Variants in REV3L observed in about 807,000 individuals in gnomAD.
The protein encoded by REV3L is REV3 like, DNA directed polymerase zeta catalytic subunit, also known as DNA polymerase zeta catalytic subunit.
In REV3L, 69 loss-of-function variants were observed where a neutral mutation model predicts 299.4. That is an observed-to-expected ratio of 0.23 (90% CI 0.19 to 0.28). REV3L has a LOEUF of 0.28. Ranked by LOEUF, REV3L falls within the 10% of genes least tolerant of loss-of-function variation. REV3L has a pLI of 1.00. For missense variants in REV3L, 3,128 were observed against 3,693.8 expected, an observed-to-expected ratio of 0.85 and a Z score of 3.97; for synonymous variants, 1,238 against 1,271.4, an observed-to-expected ratio of 0.97 and a Z score of 0.56.
intron 22 of REV3L, among the ~76,000 whole-genome samples, chr6:111,334,231 C>A (rs1012677646): frequency 3.9e-5 from 6 of 152,288 alleles, no homozygotes; most frequent in African/African-American, 1.2e-4. Flanking sequence ...AGCCACTGCA[C>A]CTGGCCCTCT....
chr6:111,381,349 T>G lies in REV3L; in HGVS notation c.1192A>C (p.Arg398=), dbSNP rs1780811342. Reference sequence around the variant, plus strand: ...CTGAAAACAGGTGACTCACTCAGTCTTTGGGTCAAAGGCTGAAAAGTCTGA... The same window carrying G: ...CTGAAAACAGGTGACTCACTCAGTCGTTGGGTCAAAGGCTGAAAAGTCTGA... ...NSQTFQPLTQ[R]LSESPVFMDS... Residue 398 remains arginine (R), a synonymous_variant, in exon 10 of 32, where the codon AGA becomes CGA. Transcript: ENST00000368802. 6.2e-7 allele frequency: 1 copy of G among 1,613,698 alleles called. No individual in the cohort carries two copies. The highest frequency in any genetic ancestry group is 1.3e-5 in the African/African-American group (1 of 75,056).
chr6:111,470,447 C>T (rs1029667844), intron 1 of REV3L, among the ~76,000 whole-genome samples: 2 of 152,166 alleles, frequency 1.3e-5, no homozygotes, highest in Admixed American at 6.5e-5. Context: ...ATTTCCTCAA[C>T]TGTAAAATGG....
At position 111,373,657 on chromosome 6, in the gene REV3L, C is replaced by T. The variant is rs773259666; in HGVS notation, c.4698G>A (p.Glu1566=). Residue 1566 remains glutamate (E), a synonymous_variant, in exon 13 of 32, where the codon GAG becomes GAA. Transcript: ENST00000368802. The stretch of plus-strand genomic sequence containing the variant: ...GTGTCCGTTTATTTGCTTTGTTATG[C>T]TCAAGGGAACCAGAAATATTTTTAT... ...QPNKNISGSL[E]HNKANKRTRS... 1.2e-6 allele frequency: 2 copies of T among 1,614,032 alleles called. No homozygotes were observed. Among genetic ancestry groups the T allele is most frequent in the East Asian group, 4.5e-5 (2 of 44,886 alleles).
intron 1 of REV3L, among the ~76,000 whole-genome samples, chr6:111,480,987 T>C (rs998439811): frequency 2.6e-5 from 4 of 152,148 alleles, no homozygotes; most frequent in Admixed American, 2.6e-4. Flanking sequence ...TTTCCTCACG[T>C]AATAGAATTA....
In REV3L at chr6:111,374,205, C is replaced by A; in HGVS notation, c.4150G>T (p.Asp1384Tyr). Residue 1384 changes from aspartate (D) to tyrosine (Y), a missense_variant, in exon 13 of 32, where the codon GAT becomes TAT. Physicochemically the swap from Asp to Tyr is radical, Grantham distance 160 (BLOSUM62 -3). Coordinates refer to ENST00000368802, the MANE Select transcript of REV3L (RefSeq NM_001372078.1). ...TTTCTTTGTATATTATTTGCATTATCTTCTATCTTTGAGGACATACCAGAA... is the reference window on the plus strand; with the variant it reads ...TTTCTTTGTATATTATTTGCATTATATTCTATCTTTGAGGACATACCAGAA... The part of the protein sequence containing the change: ...ISSGMSSKIE[D>Y]NANNIQRNYL... The A allele has an allele frequency of 6.2e-7, 1 of 1,613,944 alleles. No homozygotes were observed. The highest frequency in any genetic ancestry group is 1.1e-5 in the South Asian group (1 of 91,070).
intron 1 of REV3L, among the ~76,000 whole-genome samples, chr6:111,449,688 A>G (rs1485121895): frequency 2.6e-5 from 4 of 152,196 alleles, no homozygotes; most frequent in African/African-American, 9.7e-5. Context: ...CTAAGCATAA[A>G]AAGACTTGAA....
chr6:111,368,558 C>T (rs1237707328), intron 13 of REV3L, among the ~76,000 whole-genome samples: 2 of 152,040 alleles, frequency 1.3e-5, no homozygotes, highest in Non-Finnish European at 2.9e-5. Flanking sequence ...AGGTAAATTA[C>T]TCTAATTCTT....
In REV3L at chr6:111,375,218, T is replaced by G; in HGVS notation, c.3137A>C (p.His1046Pro). ...PIYPLTPKKSHRRKSKHKSAK... is the reference protein window; with the variant it reads ...PIYPLTPKKSPRRKSKHKSAK... ...AGATTTATGTTTTGACTTTCTTCTG[T>G]GACTTTTCTTTGGTGTTAGTGGATA... The change falls in exon 13 of 32, where the codon CAC becomes CCC. Residue 1046 changes from histidine to proline, a missense_variant. This residue lies in a region of REV3L where 2,409 missense variants were observed against 2,611.8 expected (regional missense o/e 0.92). Transcript: ENST00000368802. The G allele has an allele frequency of 6.2e-7, 1 of 1,612,544 alleles. No homozygotes were observed.
Position 111,375,572 on chromosome 6 carries a change from T to C in REV3L, c.2783A>G (p.Glu928Gly), listed in dbSNP as rs1780220249. 2 of 1,613,838 alleles carry C rather than the reference T, an allele frequency of 1.2e-6. No homozygotes were observed. The highest frequency in any genetic ancestry group is 2.2e-5 in the South Asian group (2 of 91,062). Residue 928 changes from glutamate (E) to glycine (G), a missense_variant, in exon 13 of 32, where the codon GAG (glutamate) becomes GGG (glycine). Coordinates refer to ENST00000368802, the MANE Select transcript of REV3L (RefSeq NM_001372078.1). ...TLRAKRKVNYETEDSESSFVT... is the reference protein window; with the variant it reads ...TLRAKRKVNYGTEDSESSFVT... ...AAAACTTGACTCACTGTCTTCAGTC[T>C]CATAATTTACCTTGCGTTTGGCTCT...
intron 18 of REV3L, chr6:111,356,744 G>T (rs564754009): frequency 1.4e-4 from 27 of 193,218 alleles, no homozygotes; most frequent in African/African-American, 6.2e-4. Flanking sequence ...GTACAACTGG[G>T]AAGTTAGTTA....
At chr6:111,461,705 A>T (rs1397634056) in intron 1 of REV3L, among the ~76,000 whole-genome samples, 1 of 152,092 alleles carries the variant, frequency 6.6e-6, no homozygotes, top group Non-Finnish European at 1.5e-5. Context: ...ATGTATTATT[A>T]TATCAAGAAA....
intron 31 of REV3L, among the ~76,000 whole-genome samples, chr6:111,302,957 T>C (rs1199974587): frequency 6.6e-6 from 1 of 152,182 alleles, no homozygotes; most frequent in Non-Finnish European, 1.5e-5. Context: ...TTCATGTTTA[T>C]GATTAACAGT....
intron 1 of REV3L, among the ~76,000 whole-genome samples, chr6:111,467,333 A>AC (rs1791630201): frequency 6.6e-6 from 1 of 152,296 alleles, no homozygotes; most frequent in Non-Finnish European, 1.5e-5. Context: ...TCTCAGAAAA[A>AC]ATCTAGGATA....
chr6:111,483,356 G>C (rs1027364702), upstream of REV3L: 13 of 481,870 alleles, frequency 2.7e-5, no homozygotes, highest in East Asian at 4.7e-4. Flanking sequence ...CGGGGGCCGA[G>C]AAGGGGCTTT....
Position 111,405,561 on chromosome 6 carries a change from G to C in REV3L, c.474C>G (p.Pro158=). The change falls in exon 4 of 32, where the codon CCC becomes CCG. Residue 158 remains proline, a synonymous_variant. Transcript: ENST00000368802. ...AGTCAATGAAGAGCTGTAGGAGGTA[G>C]GGAATATGCGCTTCATGAGGCTGGT... ...KFYQPHEAHI[P]YLLQLFIDYN... The C allele has an allele frequency of 6.2e-7, 1 of 1,604,026 alleles. No individual in the cohort carries two copies. Among genetic ancestry groups the C allele is most frequent in the Non-Finnish European group, 8.5e-7 (1 of 1,175,096 alleles).
At position 111,367,364 on chromosome 6, in the gene REV3L, C is replaced by A; in HGVS notation, c.6424G>T (p.Asp2142Tyr). The change falls in exon 14 of 32, where the codon GAT (aspartate) becomes TAT (tyrosine). Residue 2142 changes from aspartate to tyrosine, a missense_variant. Transcript: ENST00000368802. The stretch of plus-strand genomic sequence containing the variant: ...TCTACTGGTGATGAGGGTCTATCAT[C>A]TCCATTTAATGCTTTGGAATCTGGG... ...ISPDSKALNGDDRPSSPVEEL... is the reference protein window; with the variant it reads ...ISPDSKALNGYDRPSSPVEEL... The A allele has an allele frequency of 6.2e-7, 1 of 1,607,446 alleles. No individual in the cohort carries two copies. The highest frequency in any genetic ancestry group is 1.1e-5 in the South Asian group (1 of 89,806).
intron 1 of REV3L, among the ~76,000 whole-genome samples, chr6:111,438,095 G>A (rs886534290): frequency 6.6e-6 from 1 of 151,710 alleles, no homozygotes; most frequent in African/African-American, 2.4e-5. Context: ...CTGGGCTCAA[G>A]TGATCCTCTT....
intron 1 of REV3L, among the ~76,000 whole-genome samples, chr6:111,429,611 C>T (rs1419602666): frequency 2.7e-5 from 4 of 148,074 alleles, no homozygotes; most frequent in African/African-American, 5.0e-5. Context: ...AAGAGATAGG[C>T]AATATAAAAA....
intron 9 of REV3L, among the ~76,000 whole-genome samples, chr6:111,384,314 A>G (rs1398357188): frequency 6.6e-6 from 1 of 152,212 alleles, no homozygotes; most frequent in Non-Finnish European, 1.5e-5. Context: ...AACAAAGTGA[A>G]GAGACAACCC....
Sources: gnomAD v4.1 joint callset for allele counts (sites outside exome capture counted in the v4.1 genomes callset) on GRCh38, gnomAD v4.1.1 for gene constraint, gnomAD v4.1.1 regional missense constraint, MANE v1.5 for transcripts, NCBI Gene and HGNC (gene_info 2026-07-23, HGNC 2026-07-21) for gene names.